The following ABCC5 variants were observed in gnomAD, a reference collection of about 807,000 sequenced individuals.
The protein encoded by ABCC5 is ATP-binding cassette sub-family C member 5.
ABCC5 carries 61 observed loss-of-function variants against 160.9 expected under a neutral mutation model. The observed-to-expected ratio is 0.38, with a 90% CI of 0.31 to 0.47. The LOEUF (loss-of-function observed/expected upper bound fraction) is 0.47, where lower values mean the gene tolerates loss of function less well. ABCC5 is among the 20% of genes least tolerant of loss of function. The pLI, the probability that ABCC5 is intolerant of heterozygous loss-of-function variation, is 0.99. For missense variants in ABCC5, 1,308 were observed against 1,813.3 expected (o/e 0.72, Z 5.06); for synonymous variants, 666 against 700.6 (o/e 0.95, Z 0.78).
At chr3:183,983,894 C>T (rs769198409) in intron 5 of ABCC5, 13 of 985,292 alleles carry the variant, frequency 1.3e-5, no homozygotes, top group Admixed American at 6.1e-5. Flanking sequence ...CAGGACTAGC[C>T]ATCTAACAGG....
chr3:183,974,293 AAATT>A (rs1215877591), intron 10 of ABCC5, among the ~76,000 whole-genome samples: 1 of 152,160 alleles, frequency 6.6e-6, no homozygotes, highest in Non-Finnish European at 1.5e-5. Flanking sequence ...ATGCCCAGTT[AAATT>A]AATTAATTAA....
At chr3:183,931,240 G>A (rs1438552553) in intron 26 of ABCC5, among the ~76,000 whole-genome samples, 1 of 151,930 alleles carries the variant, frequency 6.6e-6, no homozygotes, top group Non-Finnish European at 1.5e-5. Context: ...AGCGAGAACT[G>A]CTGTACACAA....
At position 183,988,596 on chromosome 3, in the gene ABCC5, T is replaced by C. The variant is rs780318478; in HGVS notation, c.419A>G (p.Glu140Gly). ...MEDVWSLSKH[E>G]SSDVNCRRLE... ...CCTTCTGCAGTTCACGTCAGAAGAC[T>C]CGTGCTTGGACAGAGACCACACGTC... The change falls in exon 4 of 30, where the codon GAG (glutamate) becomes GGG (glycine). Residue 140 changes from glutamate (E) to glycine (G), a missense_variant. Physicochemically the swap from Glu to Gly is moderately conservative, Grantham distance 98. Coordinates refer to ENST00000334444, the MANE Select transcript of ABCC5 (RefSeq NM_005688.4). The surrounding 1 kb of genome is among the most constrained non-coding windows in gnomAD (Gnocchi z 4.4). The C allele has an allele frequency of 1.2e-6, 2 of 1,614,070 alleles. No homozygotes were observed. Among genetic ancestry groups the C allele is most frequent in the Non-Finnish European group, 1.7e-6 (2 of 1,179,998 alleles).
At chr3:183,941,177 G>C (rs1714307134) in intron 25 of ABCC5, among the ~76,000 whole-genome samples, 1 of 152,046 alleles carries the variant, frequency 6.6e-6, no homozygotes, top group South Asian at 2.1e-4. Flanking sequence ...TCTTTTTCTT[G>C]TTTCTCTTCT....
chr3:183,930,605 A>G (rs1293798302), intron 26 of ABCC5, among the ~76,000 whole-genome samples: 2 of 152,208 alleles, frequency 1.3e-5, no homozygotes, highest in African/African-American at 4.8e-5. Context: ...GGCCACGTGA[A>G]GGCAGAGAAA....
At position 183,921,294 on chromosome 3, in the gene ABCC5, G is replaced by A; in HGVS notation, c.*6C>T. On this transcript the variant is annotated 3_prime_UTR_variant, in exon 30 of 30. Coordinates refer to ENST00000334444, the MANE Select transcript of ABCC5 (RefSeq NM_005688.4). The surrounding 1 kb of genome is among the most constrained non-coding windows in gnomAD (Gnocchi z 4.1). ...AAAGAAAAGAGACTTCGTCAACAGG[G>A]AGGAGTCAGCCCTTGACAGCGACCT... 2 of 1,491,986 alleles carry A rather than the reference G, an allele frequency of 1.3e-6. No individual in the cohort carries two copies. The highest frequency in any genetic ancestry group is 1.9e-6 in the Non-Finnish European group (2 of 1,072,708). The allele number at this position is 1,491,986 out of a possible 1,614,324, so 92.4% of individuals were successfully genotyped here. A position where few individuals can be genotyped will look rare whatever the true frequency, so the allele number is the denominator to read the frequency against.
chr3:183,991,913 C>T (rs2108876443), intron 2 of ABCC5, among the ~76,000 whole-genome samples: 1 of 152,300 alleles, frequency 6.6e-6, no homozygotes, highest in Middle Eastern at 3.4e-3. Flanking sequence ...AGCACACCTA[C>T]TTTAAGTGAG....
chr3:183,927,261 AGT>A, intron 28 of ABCC5, 67 bp downstream of exon 28: 1 of 1,485,654 alleles, frequency 6.7e-7, no homozygotes, highest in South Asian at 1.2e-5. Flanking sequence ...TTTGGACCCC[AGT>A]GTGTCAGGGC....
At chr3:183,939,574 T>G (rs1714087463) in intron 25 of ABCC5, among the ~76,000 whole-genome samples, 1 of 152,228 alleles carries the variant, frequency 6.6e-6, no homozygotes, top group Non-Finnish European at 1.5e-5. Context: ...ACATTTAGTT[T>G]ATGTAAAACT....
At chr3:183,960,960 A>G (rs1254512122) in intron 16 of ABCC5, among the ~76,000 whole-genome samples, 1 of 151,688 alleles carries the variant, frequency 6.6e-6, no homozygotes, top group African/African-American at 2.4e-5. Flanking sequence ...TAATTTTTGT[A>G]TTTTTTTGTA....
intron 26 of ABCC5, 128 bp downstream of exon 26, chr3:183,937,773 G>T: frequency 9.7e-7 from 1 of 1,035,776 alleles, no homozygotes; most frequent in Non-Finnish European, 1.4e-6. Context: ...ACATGGTGCA[G>T]TGGGAAAAGC....
At chr3:183,967,327 CA>C in intron 12 of ABCC5, 1 of 220,170 alleles carries the variant, frequency 4.5e-6, no homozygotes, top group East Asian at 1.3e-4. Flanking sequence ...TGCTTCTTTA[CA>C]GGTTAACTCT....
At chr3:183,922,169 C>T (rs1712060319) in intron 29 of ABCC5, among the ~76,000 whole-genome samples, 1 of 151,996 alleles carries the variant, frequency 6.6e-6, no homozygotes, top group African/African-American at 2.4e-5. Context: ...GTCAGGAGTT[C>T]GAGACCAGCC....
intron 9 of ABCC5, 96 bp from the exon 10 acceptor site, chr3:183,977,720 G>T: frequency 1.3e-6 from 1 of 782,020 alleles, no homozygotes; most frequent in Non-Finnish European, 2.1e-6. Flanking sequence ...TAGGAAGGCT[G>T]CAACTTCACG....
At chr3:183,968,220 C>T (rs1320665401) in intron 11 of ABCC5, among the ~76,000 whole-genome samples, 4 of 152,084 alleles carry the variant, frequency 2.6e-5, no homozygotes, top group Non-Finnish European at 5.9e-5. Context: ...CTTCCGCTTC[C>T]GGGTTCAAGC....
In ABCC5 at chr3:183,963,178, A is replaced by C. The variant is rs1339280004; in HGVS notation, c.2235+207T>G. ...CTTGCTGATCTATATGCAGAAGCTG[A>C]TATGCTCCAAGGATCTCTGATTTAG... is the stretch of plus-strand genomic sequence containing the variant. On this transcript the variant is annotated intron_variant, in intron 15 of 29. Transcript: ENST00000334444. The surrounding 1 kb of genome is among the most constrained non-coding windows in gnomAD (Gnocchi z 4.6). Among the ~76,000 whole-genome samples, 1 of 152,174 alleles carries C rather than the reference A, an allele frequency of 6.6e-6. No homozygotes were observed. Among genetic ancestry groups the C allele is most frequent in the Non-Finnish European group, 1.5e-5 (1 of 68,036 alleles).
At chr3:183,977,177 G>A (rs1338537200) in intron 10 of ABCC5, among the ~76,000 whole-genome samples, 1 of 152,204 alleles carries the variant, frequency 6.6e-6, no homozygotes, top group African/African-American at 2.4e-5. Flanking sequence ...CCACAGTGCT[G>A]GTCTTCTAGG....
Position 183,921,535 on chromosome 3 carries a change from C to T in ABCC5, c.4213-134G>A, listed in dbSNP as rs3749443. 10,276 of 585,122 alleles carry T rather than the reference C, an allele frequency of 0.018. 521 individuals are homozygous for T. The highest frequency in any genetic ancestry group is 0.16 in the East Asian group (4,774 of 29,482). The allele number at this position is 585,122 out of a possible 1,614,324, so 36.2% of individuals were successfully genotyped here. A position where few individuals can be genotyped will look rare whatever the true frequency, so the allele number is the denominator to read the frequency against. ...ACAATTCAACTAGCCCTGCGTGCAC[C>T]TCCCCCCTTATTTTTTTATTTTCAA... On this transcript the variant is annotated intron_variant, in intron 29 of 29. Transcript: ENST00000334444. The surrounding 1 kb of genome is among the most constrained non-coding windows in gnomAD (Gnocchi z 4.1).
At chr3:183,970,079 A>G (rs1717596106) in intron 11 of ABCC5, among the ~76,000 whole-genome samples, 1 of 152,168 alleles carries the variant, frequency 6.6e-6, no homozygotes, top group Admixed American at 6.5e-5. Flanking sequence ...CTCTTCATAC[A>G]TAAGTCCAAT....
Sources: gnomAD v4.1 joint callset for allele counts (sites outside exome capture counted in the v4.1 genomes callset) on GRCh38, gnomAD v4.1.1 for gene constraint, Gnocchi (gnomAD v3.1) non-coding constraint, MANE v1.5 for transcripts, NCBI Gene and HGNC (gene_info 2026-07-23, HGNC 2026-07-21) for gene names.